The following DPP10 variants were observed in gnomAD, a reference collection of about 807,000 sequenced individuals.
DPP10 encodes dipeptidyl peptidase like 10.
A neutral mutation model predicts 120.9 loss-of-function variants in DPP10; 33 were observed. The observed-to-expected ratio is 0.27, with a 90% CI of 0.21 to 0.37. DPP10 has a LOEUF of 0.37. Among genes scored for constraint, DPP10 ranks in the 10% least tolerant of loss-of-function variants. The pLI is 1.00. For synonymous variants in DPP10, 337 were observed against 326.1 expected (o/e 1.03, Z -0.36); for missense variants, 816 against 942.8 (o/e 0.87, Z 1.76).
chr2:115,203,715 T>A (rs956579162), intron 1 of DPP10, among the ~76,000 whole-genome samples: 1 of 152,142 alleles, frequency 6.6e-6, no homozygotes, highest in Admixed American at 6.6e-5. Flanking sequence ...CCTCTCATGA[T>A]CTTCTTGACC....
intron 3 of DPP10, among the ~76,000 whole-genome samples, chr2:115,418,296 G>T (rs1325813304): frequency 2.0e-5 from 3 of 152,132 alleles, no homozygotes; most frequent in African/African-American, 4.8e-5. Context: ...GAAAGGTCGA[G>T]AATTTATTTA....
chr2:115,778,929 C>G (rs756457391), intron 15 of DPP10, among the ~76,000 whole-genome samples: 1 of 152,072 alleles, frequency 6.6e-6, no homozygotes, highest in East Asian at 1.9e-4. Context: ...GATTCGGGAT[C>G]TTGATCAAAG....
intron 1 of DPP10, among the ~76,000 whole-genome samples, chr2:115,196,721 G>C (rs939560874): frequency 1.3e-5 from 2 of 152,042 alleles, no homozygotes; most frequent in Non-Finnish European, 2.9e-5. Flanking sequence ...ATGTTCTTTT[G>C]GAGATTGTTA....
At chr2:114,458,221 G>A (rs528348687) in intron 1 of DPP10, among the ~76,000 whole-genome samples, 15 of 152,198 alleles carry the variant, frequency 9.9e-5, no homozygotes, top group South Asian at 4.1e-4. Flanking sequence ...ATAGTACCCC[G>A]TTCTTGAGAA....
At chr2:114,810,788 G>A (rs1280391086) in intron 1 of DPP10, among the ~76,000 whole-genome samples, 1 of 152,038 alleles carries the variant, frequency 6.6e-6, no homozygotes, top group African/African-American at 2.4e-5. Flanking sequence ...CCTCACCTTG[G>A]GTTTTCCTCT....
In DPP10 at chr2:115,024,089, C is replaced by A. The variant is rs138888782; in HGVS notation, c.61-285150C>A. Among the ~76,000 whole-genome samples the A allele has an allele frequency of 1.8e-3, 272 of 152,184 alleles. 2 individuals carry two copies. The East Asian group carries it at 0.026, about 14-fold the overall frequency. On this transcript the variant is annotated intron_variant, in intron 1 of 25. Coordinates refer to ENST00000410059, the MANE Select transcript of DPP10 (RefSeq NM_020868.6). ...GCTTGGGTGATGGGTGCACCAAAAT[C>A]TCAGAAATCACTGCTAAGGAACTTA... is the stretch of plus-strand genomic sequence containing the variant.
At chr2:114,657,948 T>G (rs1470787949) in intron 1 of DPP10, among the ~76,000 whole-genome samples, 1 of 152,180 alleles carries the variant, frequency 6.6e-6, no homozygotes, top group Non-Finnish European at 1.5e-5. Context: ...CCTACGCATG[T>G]GTATAAATAA....
intron 1 of DPP10, among the ~76,000 whole-genome samples, chr2:115,126,195 T>C (rs1354562863): frequency 6.6e-6 from 1 of 152,186 alleles, no homozygotes; most frequent in East Asian, 1.9e-4. Context: ...CTTGGCTCAC[T>C]GCAACCTCTG....
intron 1 of DPP10, among the ~76,000 whole-genome samples, chr2:115,086,147 T>C (rs1708674600): frequency 6.6e-6 from 1 of 152,234 alleles, no homozygotes; most frequent in Non-Finnish European, 1.5e-5. Flanking sequence ...GATCTTTTTC[T>C]TTCAGGCCCT....
chr2:115,125,015 A>T (rs2050003987), intron 1 of DPP10, among the ~76,000 whole-genome samples: 1 of 152,226 alleles, frequency 6.6e-6, no homozygotes, highest in African/African-American at 2.4e-5. Flanking sequence ...CTATAAAAAG[A>T]GCCTTTCTCA....
intron 5 of DPP10, among the ~76,000 whole-genome samples, chr2:115,646,746 C>A: frequency 6.6e-6 from 1 of 152,110 alleles, no homozygotes; most frequent in East Asian, 1.9e-4. Flanking sequence ...AAGTTGACAA[C>A]CCTGAGCCTC....
At chr2:115,086,214 A>C (rs1458645842) in intron 1 of DPP10, among the ~76,000 whole-genome samples, 1 of 152,192 alleles carries the variant, frequency 6.6e-6, no homozygotes, top group Non-Finnish European at 1.5e-5. Context: ...CTGAATAGGA[A>C]ACATTTGTCA....
intron 1 of DPP10, among the ~76,000 whole-genome samples, chr2:115,195,370 A>G (rs2055184532): frequency 6.6e-6 from 1 of 152,144 alleles, no homozygotes; most frequent in Non-Finnish European, 1.5e-5. Flanking sequence ...CATGATAGGG[A>G]TTGCAACTGT....
chr2:114,905,526 C>CTGGGTAAACTTGTGTCA (rs1467207308), intron 1 of DPP10, among the ~76,000 whole-genome samples: 9 of 151,956 alleles, frequency 5.9e-5, no homozygotes, highest in Non-Finnish European at 7.4e-5. Context: ...GGTTTGTTAT[C>CTGGGTAAACTTGTGTCA]TGGGTAAACT....
chr2:114,491,045 T>C (rs1044996100), intron 1 of DPP10, among the ~76,000 whole-genome samples: 2 of 152,158 alleles, frequency 1.3e-5, no homozygotes, highest in Admixed American at 1.3e-4. Context: ...ACCTCAAAAT[T>C]GTGTTCTTTT....
chr2:115,496,899 C>G (rs1412524819), intron 3 of DPP10, among the ~76,000 whole-genome samples: 1 of 151,852 alleles, frequency 6.6e-6, no homozygotes, highest in Admixed American at 6.6e-5. Flanking sequence ...GGGCATGGGA[C>G]TAGGGAATGG....
At chr2:115,177,711 C>T (rs1395775565) in intron 1 of DPP10, among the ~76,000 whole-genome samples, 1 of 152,130 alleles carries the variant, frequency 6.6e-6, no homozygotes, top group Non-Finnish European at 1.5e-5. Context: ...TGTTAGCAGA[C>T]ATGTTTATTT....
At chr2:114,983,873 C>G (rs1249733391) in intron 1 of DPP10, among the ~76,000 whole-genome samples, 1 of 152,180 alleles carries the variant, frequency 6.6e-6, no homozygotes, top group African/African-American at 2.4e-5. Context: ...AGCAATTTAC[C>G]TGTTGTCATA....
chr2:115,402,854 A>AATATATATATAT (rs757052503), intron 3 of DPP10, among the ~76,000 whole-genome samples: 79 of 97,624 alleles, frequency 8.1e-4, no homozygotes, highest in African/African-American at 2.0e-3. Flanking sequence ...AAAAAAAAAA[A>AATATATATATAT]ATATATATAT....
Sources: gnomAD v4.1 joint callset for allele counts (sites outside exome capture counted in the v4.1 genomes callset) on GRCh38, gnomAD v4.1.1 for gene constraint, MANE v1.5 for transcripts, NCBI Gene and HGNC (gene_info 2026-07-23, HGNC 2026-07-21) for gene names.